WDR17: variants seen among roughly 807,000 people sequenced by gnomAD.
The protein encoded by WDR17 is WD repeat-containing protein 17.
In WDR17, 143 loss-of-function variants were observed where a neutral mutation model predicts 161.7. The observed-to-expected ratio is 0.88, with a 90% CI of 0.77 to 1.02. The LOEUF (loss-of-function observed/expected upper bound fraction) is 1.02, where lower values mean the gene tolerates loss of function less well. Ranked by LOEUF, WDR17 falls within the 50% of genes least tolerant of loss-of-function variation. The probability of loss-of-function intolerance (pLI) is 0.00; values close to 1 mark genes in which losing one functional copy is unlikely to be tolerated. For missense variants in WDR17, 1,469 were observed against 1,520.9 expected (o/e 0.97, Z 0.57); for synonymous variants, 517 against 515.6 (o/e 1.00, Z -0.04).
At chr4:176,093,918 A>G (rs1736456073) in intron 1 of WDR17, among the ~76,000 whole-genome samples, 1 of 152,214 alleles carries the variant, frequency 6.6e-6, no homozygotes, top group African/African-American at 2.4e-5. Flanking sequence ...TGCTTTTCTT[A>G]TTCCTTGCAA....
At chr4:176,103,769 A>C (rs919028824) in intron 1 of WDR17, among the ~76,000 whole-genome samples, 28 of 152,218 alleles carry the variant, frequency 1.8e-4, no homozygotes, top group Admixed American at 1.6e-3. Context: ...AAGGGACATA[A>C]GGGACACTAT....
intron 12 of WDR17, among the ~76,000 whole-genome samples, chr4:176,147,306 A>G (rs1251815936): frequency 6.6e-6 from 1 of 152,224 alleles, no homozygotes; most frequent in African/African-American, 2.4e-5. Context: ...TGTGACTAAA[A>G]AATTATTGTG....
intron 5 of WDR17, among the ~76,000 whole-genome samples, chr4:176,126,175 C>G (rs1742415909): frequency 6.6e-6 from 1 of 152,186 alleles, no homozygotes. Flanking sequence ...GGCATTCAAA[C>G]TATAGCACTC....
intron 1 of WDR17, among the ~76,000 whole-genome samples, chr4:176,069,661 G>A (rs1047966199): frequency 6.6e-5 from 10 of 151,888 alleles, no homozygotes; most frequent in African/African-American, 2.4e-4. Flanking sequence ...ATTTTTTTTA[G>A]TTGTAAGCAT....
In WDR17 at chr4:176,107,160, C is replaced by T. The variant is rs144941296; in HGVS notation, c.-6-4415C>T. ...AATAGATGTTTCACCAAAGAAGTTA[C>T]GGAAATGGCTGATAAGCACATGAAA... is the stretch of plus-strand genomic sequence containing the variant. On this transcript the variant is annotated intron_variant, in intron 1 of 28. Coordinates refer to ENST00000508596, the MANE Select transcript of WDR17 (RefSeq NM_181265.4). Among the ~76,000 whole-genome samples, 631 of 152,010 alleles carry T rather than the reference C, an allele frequency of 4.2e-3. 3 individuals carry two copies. The highest frequency in any genetic ancestry group is 0.015 in the African/African-American group (605 of 41,440).
chr4:176,172,485 AG>A lies in WDR17; in HGVS notation c.3214del (p.Ala1072ProfsTer30). 1.9e-6 allele frequency: 3 copies of A among 1,605,536 alleles called. No individual in the cohort carries two copies. Among genetic ancestry groups the A allele is most frequent in the Non-Finnish European group, 2.5e-6 (3 of 1,177,952 alleles). ...ACTTGTTAAGTCAAGAACCTGAAAA[AG>A]CCCTTCCTATTGGTATTAGCTTTGT... ...YYLLSQEPEK[A>X]LPIGISFVKE... On this transcript the variant is annotated frameshift_variant, in exon 24 of 29. Coordinates refer to ENST00000508596, the MANE Select transcript of WDR17 (RefSeq NM_181265.4). LOFTEE classifies it high-confidence loss of function.
intron 13 of WDR17, among the ~76,000 whole-genome samples, chr4:176,149,276 T>A (rs991250369): frequency 8.5e-5 from 13 of 152,140 alleles, no homozygotes; most frequent in Non-Finnish European, 1.8e-4. Flanking sequence ...ATTATTTTGT[T>A]TTTTTGAAAC....
intron 3 of WDR17, among the ~76,000 whole-genome samples, chr4:176,119,102 C>T (rs979661006): frequency 1.3e-5 from 2 of 152,114 alleles, no homozygotes; most frequent in African/African-American, 4.8e-5. Flanking sequence ...CAATCTCTCT[C>T]TCATAAATTT....
intron 1 of WDR17, among the ~76,000 whole-genome samples, chr4:176,088,703 T>G (rs1735733709): frequency 6.6e-6 from 1 of 152,188 alleles, no homozygotes; most frequent in South Asian, 2.1e-4. Context: ...AGTCAATACA[T>G]TTCCTGTTGG....
At chr4:176,133,568 T>C (rs1441016835) in intron 7 of WDR17, among the ~76,000 whole-genome samples, 2 of 151,454 alleles carry the variant, frequency 1.3e-5, no homozygotes, top group East Asian at 1.9e-4. Flanking sequence ...TTTCAGTTGC[T>C]TTTCTCACTT....
At chr4:176,108,944 C>A (rs1050062228) in intron 1 of WDR17, among the ~76,000 whole-genome samples, 1 of 152,102 alleles carries the variant, frequency 6.6e-6, no homozygotes, top group African/African-American at 2.4e-5. Flanking sequence ...CACGCGCCAC[C>A]ACCCCTGGTT....
In WDR17 at chr4:176,172,444, G is replaced by C. The variant is rs975810067; in HGVS notation, c.3172G>C (p.Glu1058Gln). ...ETARADDNIF[E>Q]TVKYYLLSQE... ...AGCCCGTGCAGATGACAATATATTT[G>C]AAACTGTAAAATATTACTTGTTAAG... Residue 1058 changes from glutamate (E) to glutamine (Q), a missense_variant, in exon 24 of 29, where the codon GAA becomes CAA. Glu to Gln is a conservative substitution (Grantham distance 29). Coordinates refer to ENST00000508596, the MANE Select transcript of WDR17 (RefSeq NM_181265.4). The C allele has an allele frequency of 1.2e-6, 2 of 1,612,082 alleles. No homozygotes were observed. The highest frequency in any genetic ancestry group is 1.7e-6 in the Non-Finnish European group (2 of 1,179,324).
intron 1 of WDR17, among the ~76,000 whole-genome samples, chr4:176,100,375 G>A (rs998369606): frequency 6.6e-6 from 1 of 152,030 alleles, no homozygotes; most frequent in Non-Finnish European, 1.5e-5. Flanking sequence ...CCATTTGTAT[G>A]TCTTCTTTAG....
chr4:176,143,980 A>G (rs35810775), intron 11 of WDR17, among the ~76,000 whole-genome samples: 29,312 of 152,062 alleles, frequency 0.19, 3,031 homozygotes, highest in South Asian at 0.27. Context: ...GTCCCTGAAT[A>G]ATCTTTTTCC....
chr4:176,157,362 A>C (rs771961013), intron 18 of WDR17, among the ~76,000 whole-genome samples: 3 of 152,228 alleles, frequency 2.0e-5, no homozygotes, highest in Non-Finnish European at 2.9e-5. Flanking sequence ...AGTAAAAATC[A>C]ATCAAAGGCT....
At chr4:176,133,945 G>T (rs761742857) in intron 7 of WDR17, among the ~76,000 whole-genome samples, 1 of 151,638 alleles carries the variant, frequency 6.6e-6, no homozygotes, top group African/African-American at 2.4e-5. Flanking sequence ...CTTGCTATGT[G>T]AATTTTCTTA....
At chr4:176,156,343 C>CTCTG (rs1229999449) in intron 18 of WDR17, among the ~76,000 whole-genome samples, 200 bp downstream of exon 18, 1 of 151,968 alleles carries the variant, frequency 6.6e-6, no homozygotes, top group Admixed American at 6.6e-5. Flanking sequence ...TTGACTTGAC[C>CTCTG]TCTGATGAAG....
chr4:176,081,137 C>T (rs1048652891), intron 1 of WDR17, among the ~76,000 whole-genome samples: 1 of 152,002 alleles, frequency 6.6e-6, no homozygotes, highest in Non-Finnish European at 1.5e-5. Flanking sequence ...GTTTTGCTAC[C>T]CTGTCCCCCA....
At chr4:176,171,369 C>T (rs1400475743) in intron 23 of WDR17, among the ~76,000 whole-genome samples, 1 of 152,112 alleles carries the variant, frequency 6.6e-6, no homozygotes, top group Non-Finnish European at 1.5e-5. Context: ...ATGTCTCTAT[C>T]TAGCCAAGCA....
Sources: gnomAD v4.1 joint callset for allele counts (sites outside exome capture counted in the v4.1 genomes callset) on GRCh38, gnomAD v4.1.1 for gene constraint, MANE v1.5 for transcripts, NCBI Gene and HGNC (gene_info 2026-07-23, HGNC 2026-07-21) for gene names.